Variants in YRDC observed in about 807,000 individuals in gnomAD.
YRDC encodes the protein threonylcarbamoyl-AMP synthase.
YRDC carries 17 observed loss-of-function variants against 21.5 expected under a neutral mutation model. The ratio of observed to expected loss-of-function variants is 0.79; its 90% confidence interval spans 0.54 to 1.19. YRDC has a LOEUF of 1.19. YRDC is among the 50% of genes most tolerant of loss of function. The pLI is 0.00. For missense variants in YRDC, 380 were observed against 397.1 expected, an observed-to-expected ratio of 0.96 and a Z score of 0.37; for synonymous variants, 193 against 176.7, an observed-to-expected ratio of 1.09 and a Z score of -0.73.
intron 1 of YRDC, chr1:37,807,457 T>A: frequency 1.7e-6 from 1 of 587,788 alleles, no homozygotes; most frequent in Non-Finnish European, 3.0e-6. Flanking sequence ...GATATCATGA[T>A]AGTGGGATCA....
In YRDC at chr1:37,806,912, G is replaced by T; in HGVS notation, c.569C>A (p.Pro190Gln). The T allele has an allele frequency of 6.2e-7, 1 of 1,614,138 alleles. No homozygotes were observed. Among genetic ancestry groups the T allele is most frequent in the Non-Finnish European group, 8.5e-7 (1 of 1,180,028 alleles). The change falls in exon 3 of 5, where the codon CCG becomes CAG. Residue 190 changes from proline (P) to glutamine (Q), a missense_variant. Around this residue, in one of 3 missense-constraint regions of YRDC, gnomAD observed 238 missense variants for 236.5 expected, o/e 1.01. Coordinates refer to ENST00000373044, the MANE Select transcript of YRDC (RefSeq NM_024640.4). Reference sequence around the variant, plus strand: ...GAGGTTGGCACTAGTGAGAGCAAGCGGACCCTCAAACATCTGAGCCAAGTC... The same window carrying T: ...GAGGTTGGCACTAGTGAGAGCAAGCTGACCCTCAAACATCTGAGCCAAGTC... ...MQDLAQMFEG[P>Q]LALTSANLSS... is the part of the protein sequence containing the mutation.
At chr1:37,807,637 G>A (rs1419527600) in intron 1 of YRDC, 155 bp downstream of exon 1, 19 of 1,300,812 alleles carry the variant, frequency 1.5e-5, no homozygotes, top group South Asian at 3.7e-5. Context: ...AGGGCCCGGG[G>A]CACGTTAAGT....
At chr1:37,807,607 T>C in intron 1 of YRDC, 185 bp downstream of exon 1, 1 of 1,165,146 alleles carries the variant, frequency 8.6e-7, no homozygotes, top group Non-Finnish European at 1.1e-6. Flanking sequence ...GTGTTGCTGC[T>C]TCCCAGCAGC....
chr1:37,807,524 G>C, intron 1 of YRDC: 1 of 626,794 alleles, frequency 1.6e-6, no homozygotes, highest in Non-Finnish European at 2.6e-6. Flanking sequence ...TACTGTGTTT[G>C]TTTGCTTTTT....
At position 37,808,085 on chromosome 1, in the gene YRDC, G is replaced by A. The variant is rs1243066773; in HGVS notation, c.96C>T (p.Leu32=). 7.3e-6 allele frequency: 10 copies of A among 1,372,824 alleles called. No homozygotes were observed. The highest frequency in any genetic ancestry group is 6.6e-6 in the Non-Finnish European group (7 of 1,067,910). The allele number at this position is 1,372,824 out of a possible 1,614,324, so 85.0% of individuals were successfully genotyped here. ...EGPAGSRSGR[L]FRPPSPAPAA... ...CCGGAGCGGGACTCGGCGGGCGGAAGAGGCGACCGCTCCGGGAGCCAGCAG... is the reference window on the plus strand; with the variant it reads ...CCGGAGCGGGACTCGGCGGGCGGAAAAGGCGACCGCTCCGGGAGCCAGCAG... Residue 32 remains leucine, a synonymous_variant, in exon 1 of 5, where the codon CTC becomes CTT. Coordinates refer to ENST00000373044, the MANE Select transcript of YRDC (RefSeq NM_024640.4).
In YRDC at chr1:37,808,203, G is replaced by A; in HGVS notation, c.-23C>T. ...CATCCGCCCAGGCCCGCTTCCGGGA[G>A]GAAGTGACGCTCCCAGCCAGCTTCC... On this transcript the variant is annotated 5_prime_UTR_variant, in exon 1 of 5. Coordinates refer to ENST00000373044, the MANE Select transcript of YRDC (RefSeq NM_024640.4). The A allele has an allele frequency of 7.0e-7, 1 of 1,420,746 alleles. No homozygotes were observed. Among genetic ancestry groups the A allele is most frequent in the Non-Finnish European group, 9.2e-7 (1 of 1,092,224 alleles). 88.0% of individuals were successfully genotyped at this position (1,420,746 alleles called of 1,614,324 possible).
At position 37,803,991 on chromosome 1, in the gene YRDC, C is replaced by T. The variant is rs1353980469; in HGVS notation, c.774G>A (p.Leu258=). ...GTTGGAGGATGGCTGTAGTACTTTC[C>T]AGGGCACTGAGGAGGAAACAGGACA... ...KFGIIRPGCA[L]ESTTAILQQK... The change falls in exon 5 of 5, where the codon CTG becomes CTA. Residue 258 remains leucine (L), a synonymous_variant. Coordinates refer to ENST00000373044, the MANE Select transcript of YRDC (RefSeq NM_024640.4). 3.7e-6 allele frequency: 6 copies of T among 1,614,038 alleles called. No homozygotes were observed. Among genetic ancestry groups the T allele is most frequent in the Non-Finnish European group, 5.1e-6 (6 of 1,180,040 alleles).
At position 37,806,885 on chromosome 1, in the gene YRDC, C is replaced by G. The variant is rs1460002576; in HGVS notation, c.596G>C (p.Ser199Thr). Residue 199 changes from serine to threonine, a missense_variant, in exon 3 of 5, where the codon AGC becomes ACC. Ser to Thr is a moderately conservative substitution (Grantham distance 58). Transcript: ENST00000373044. ...GPLALTSANL[S>T]SQASSLNVEE... ...GACATTCAGAGAACTGGCCTGGGAG[C>G]TGAGGTTGGCACTAGTGAGAGCAAG... 1.4e-5 allele frequency: 22 copies of G among 1,614,040 alleles called. No individual in the cohort carries two copies. Among genetic ancestry groups the G allele is most frequent in the Non-Finnish European group, 1.9e-5 (22 of 1,180,034 alleles).
At chr1:37,806,646 C>T (rs1312190108) in intron 3 of YRDC, among the ~76,000 whole-genome samples, 1 of 152,284 alleles carries the variant, frequency 6.6e-6, no homozygotes, top group African/African-American at 2.4e-5. Flanking sequence ...ACCAATTCTC[C>T]CCCTGGCTTT....
At chr1:37,807,599 G>A (rs1646748437) in intron 1 of YRDC, 193 bp downstream of exon 1, 3 of 1,095,366 alleles carry the variant, frequency 2.7e-6, no homozygotes, top group South Asian at 4.1e-5. Flanking sequence ...TTTCTCGTGT[G>A]TTGCTGCTTC....
rs1646730655 is a variant in YRDC, at chr1:37,805,815, T to C, written c.624+1042A>G. The stretch of plus-strand genomic sequence containing the variant: ...AGGGATACGGGCTCTAACTCTGGAC[T>C]TTCCATCGTATCTCTATGTGACTGC... On this transcript the variant is annotated intron_variant, in intron 3 of 4. Transcript: ENST00000373044. 3.3e-5 allele frequency among the ~76,000 whole-genome samples: 5 copies of C among 152,142 alleles called. No individual in the cohort carries two copies. In the South Asian group the frequency reaches 1.0e-3, roughly 32 times the overall value.
Position 37,808,116 on chromosome 1 carries a change from T to A in YRDC, c.65A>T (p.Glu22Val). The A allele has an allele frequency of 4.8e-6, 7 of 1,454,014 alleles. No individual in the cohort carries two copies. Among genetic ancestry groups the A allele is most frequent in the Non-Finnish European group, 6.3e-6 (7 of 1,108,606 alleles). 90.1% of individuals were successfully genotyped at this position (1,454,014 alleles called of 1,614,324 possible). ...AAVAASVGLSEGPAGSRSGRL... is the reference protein window; with the variant it reads ...AAVAASVGLSVGPAGSRSGRL... ...ACCGCTCCGGGAGCCAGCAGGCCCC[T>A]CGCTCAACCCCACGCTGGCAGCCAC... Residue 22 changes from glutamate to valine, a missense_variant, in exon 1 of 5, where the codon GAG becomes GTG. Coordinates refer to ENST00000373044, the MANE Select transcript of YRDC (RefSeq NM_024640.4).
At chr1:37,807,535 T>C in intron 1 of YRDC, 1 of 681,616 alleles carries the variant, frequency 1.5e-6, no homozygotes, top group East Asian at 2.9e-5. Context: ...TTTGCTTTTT[T>C]CCCGGGGGCC....
Position 37,807,967 on chromosome 1 carries a change from C to T in YRDC, c.214G>A (p.Ala72Thr), listed in dbSNP as rs909011520. The T allele has an allele frequency of 3.3e-6, 4 of 1,216,542 alleles. No individual in the cohort carries two copies. The highest frequency in any genetic ancestry group is 4.1e-6 in the Non-Finnish European group (4 of 978,544). 75.4% of individuals were successfully genotyped at this position (1,216,542 alleles called of 1,614,324 possible). ...CCGGCGCGCAGCTCGGCCACGGCGG[C>T]CCGCAGCGCCTCGGTCCAGCCGGCG... The part of the protein sequence containing the change: ...ERAGWTEALR[A>T]AVAELRAGAV... Residue 72 changes from alanine (A) to threonine (T), a missense_variant, in exon 1 of 5, where the codon GCC becomes ACC. By Grantham distance (58) the Ala-to-Thr change is moderately conservative. Around this residue, in one of 3 missense-constraint regions of YRDC, gnomAD observed 51 missense variants for 95.9 expected, o/e 0.53. Coordinates refer to ENST00000373044, the MANE Select transcript of YRDC (RefSeq NM_024640.4).
chr1:37,805,410 A>G (rs1646728038), intron 3 of YRDC, among the ~76,000 whole-genome samples: 1 of 152,204 alleles, frequency 6.6e-6, no homozygotes, highest in African/African-American at 2.4e-5. Flanking sequence ...AGAACATGGT[A>G]GATTCTGCAT....
intron 1 of YRDC, 30 bp downstream of exon 1, chr1:37,807,751 GCGGTGCCGCCC>G: frequency 7.0e-7 from 1 of 1,436,640 alleles, no homozygotes; most frequent in Non-Finnish European, 9.1e-7. Context: ...AACCCCTCCC[GCGGTGCCGCCC>G]CTAGCGGGGC....
At position 37,804,461 on chromosome 1, in the gene YRDC, G is replaced by A. The variant is rs1646722218; in HGVS notation, c.625-17C>T. Reference sequence around the variant, plus strand: ...CTGGAACTCCTGAGAAGAGGGAGAAGGAAGAGCATGGACACTATCCCTGGT... The same window carrying A: ...CTGGAACTCCTGAGAAGAGGGAGAAAGAAGAGCATGGACACTATCCCTGGT... On this transcript the variant is annotated splice_polypyrimidine_tract_variant and intron_variant, in intron 3 of 4. Transcript: ENST00000373044. The A allele has an allele frequency of 6.2e-7, 1 of 1,606,316 alleles. No individual in the cohort carries two copies. Among genetic ancestry groups the A allele is most frequent in the Non-Finnish European group, 8.5e-7 (1 of 1,174,484 alleles).
At chr1:37,806,789 G>A (rs1475105614) in intron 3 of YRDC, 68 bp downstream of exon 3, 2 of 1,606,068 alleles carry the variant, frequency 1.2e-6, no homozygotes, top group Non-Finnish European at 1.7e-6. Context: ...TACTATCAAT[G>A]CCACTGATTC....
chr1:37,805,722 ACTTT>A (rs1390731044), intron 3 of YRDC, among the ~76,000 whole-genome samples: 1 of 152,180 alleles, frequency 6.6e-6, no homozygotes, highest in Non-Finnish European at 1.5e-5. Context: ...CTGAACTCTC[ACTTT>A]CTAAGAACCC....
Sources: allele counts gnomAD v4.1 joint callset (sites outside exome capture counted in the v4.1 genomes callset), GRCh38; gene constraint gnomAD v4.1.1; regional missense constraint gnomAD v4.1.1; transcripts MANE v1.5; gene names NCBI Gene and HGNC (gene_info 2026-07-23, HGNC 2026-07-21).